DTHD1: variants seen among roughly 807,000 people sequenced by gnomAD.
The protein encoded by DTHD1 is death domain-containing protein 1.
Under a neutral mutation model 74.8 loss-of-function variants are expected in DTHD1, and 59 were observed. That is an observed-to-expected ratio of 0.79 (90% CI 0.64 to 0.98). The LOEUF is 0.98. Ranked by LOEUF, DTHD1 falls within the 50% of genes least tolerant of loss-of-function variation. The probability of loss-of-function intolerance (pLI) is 0.00; values close to 1 mark genes in which losing one functional copy is unlikely to be tolerated. For synonymous variants in DTHD1, 365 were observed against 371.1 expected (o/e 0.98, Z 0.19); for missense variants, 1,051 against 1,065.4 (o/e 0.99, Z 0.19).
chr4:36,340,281 G>T (rs11945546), intron 9 of DTHD1, among the ~76,000 whole-genome samples: 73,455 of 151,966 alleles, frequency 0.48, 18,382 homozygotes, highest in African/African-American at 0.62. Context: ...CAAGAAATTT[G>T]TCAACAGGGG....
chr4:36,314,215 T>C (rs1473960532), intron 7 of DTHD1, among the ~76,000 whole-genome samples: 2 of 152,018 alleles, frequency 1.3e-5, no homozygotes, highest in Non-Finnish European at 1.5e-5. Flanking sequence ...ACCAAAATGA[T>C]CTCAAGCAGT....
chr4:36,305,082 C>T (rs778645884), intron 5 of DTHD1, among the ~76,000 whole-genome samples: 9 of 152,104 alleles, frequency 5.9e-5, no homozygotes, highest in Non-Finnish European at 1.2e-4. Flanking sequence ...GTGGGGCAGG[C>T]TACACAAGAA....
At chr4:36,315,920 C>A (rs935265128) in intron 7 of DTHD1, 2 of 160,956 alleles carry the variant, frequency 1.2e-5, no homozygotes, top group South Asian at 3.7e-4. Context: ...AATTAAGTAA[C>A]ACAAAGTGGC....
chr4:36,323,600 A>G (rs1011765353), intron 8 of DTHD1, among the ~76,000 whole-genome samples: 6 of 116,056 alleles, frequency 5.2e-5, no homozygotes, highest in Non-Finnish European at 1.3e-4. Context: ...AGATTGAAAG[A>G]GCACATTAGA....
At chr4:36,290,293 G>C in intron 2 of DTHD1, 80 bp from the exon 3 acceptor site, 1 of 1,343,374 alleles carries the variant, frequency 7.4e-7, no homozygotes, top group African/African-American at 1.5e-5. Flanking sequence ...TGTAGATCTA[G>C]AGTCTGTGCT....
intron 9 of DTHD1, among the ~76,000 whole-genome samples, chr4:36,339,816 G>A (rs1364235016): frequency 6.6e-6 from 1 of 152,078 alleles, no homozygotes; most frequent in Non-Finnish European, 1.5e-5. Flanking sequence ...CTTACGGATT[G>A]GTACAGAAAA....
intron 9 of DTHD1, among the ~76,000 whole-genome samples, chr4:36,343,077 G>A (rs949244620): frequency 2.3e-5 from 3 of 131,380 alleles, no homozygotes; most frequent in South Asian, 2.1e-4. Context: ...GAGACAGAGC[G>A]AGACTCAACA....
intron 8 of DTHD1, among the ~76,000 whole-genome samples, chr4:36,325,981 A>G (rs945367618): frequency 2.4e-4 from 36 of 152,150 alleles, no homozygotes; most frequent in African/African-American, 8.2e-4. Context: ...TTGGATGTCT[A>G]TTGATTAAAA....
intron 8 of DTHD1, among the ~76,000 whole-genome samples, chr4:36,336,747 C>G (rs1759030658): frequency 1.3e-5 from 2 of 152,094 alleles, no homozygotes; most frequent in African/African-American, 2.4e-5. Flanking sequence ...ACAGAAGTGC[C>G]TGGTGGCAAA....
chr4:36,302,058 G>C (rs915980778), intron 5 of DTHD1, among the ~76,000 whole-genome samples: 35 of 152,284 alleles, frequency 2.3e-4, no homozygotes, highest in Admixed American at 7.8e-4. Context: ...GGCCCACTAA[G>C]GTACAGCGTC....
chr4:36,312,297 G>A (rs537463308), intron 7 of DTHD1, among the ~76,000 whole-genome samples: 2 of 151,294 alleles, frequency 1.3e-5, no homozygotes, highest in South Asian at 2.1e-4. Context: ...TTTGGCCCAG[G>A]GAAGTGATTT....
chr4:36,296,619 C>A (rs952053296), intron 5 of DTHD1, among the ~76,000 whole-genome samples: 1 of 151,836 alleles, frequency 6.6e-6, no homozygotes, highest in African/African-American at 2.4e-5. Context: ...ATATTATTGT[C>A]CATATTTCAT....
intron 8 of DTHD1, among the ~76,000 whole-genome samples, chr4:36,323,583 A>ATTTTTTTTTTTTTTTTTGAGACGG (rs1553970960): frequency 6.7e-6 from 1 of 148,678 alleles, no homozygotes; most frequent in Non-Finnish European, 1.5e-5. Flanking sequence ...TAGGTATTTT[A>ATTTTTTTTTTTTTTTTTGAGACGG]AAAAGCAGAT....
At chr4:36,298,127 A>G (rs947829321) in intron 5 of DTHD1, among the ~76,000 whole-genome samples, 3 of 152,030 alleles carry the variant, frequency 2.0e-5, no homozygotes, top group African/African-American at 7.3e-5. Flanking sequence ...TGCCCATTCT[A>G]TAAGTTCCAG....
At chr4:36,308,132 G>C in intron 6 of DTHD1, 72 bp from the exon 7 acceptor site, 1 of 1,367,878 alleles carries the variant, frequency 7.3e-7, no homozygotes. Context: ...CTTTTCTTGG[G>C]TGTTATTAGA....
At chr4:36,327,190 C>T (rs1362604210) in intron 8 of DTHD1, among the ~76,000 whole-genome samples, 2 of 152,144 alleles carry the variant, frequency 1.3e-5, no homozygotes, top group African/African-American at 2.4e-5. Context: ...TGGTCTCGAA[C>T]TCCTGACCTC....
intron 2 of DTHD1, among the ~76,000 whole-genome samples, chr4:36,287,470 A>G (rs1755777366): frequency 6.6e-6 from 1 of 152,256 alleles, no homozygotes; most frequent in African/African-American, 2.4e-5. Context: ...TCTTTTTCAC[A>G]TAATGACTTC....
intron 8 of DTHD1, chr4:36,333,612 C>A (rs1758826633): frequency 6.6e-6 from 1 of 152,418 alleles, no homozygotes; most frequent in South Asian, 2.1e-4. Flanking sequence ...TGGTGGGATC[C>A]AGCAGAGCAG....
intron 8 of DTHD1, among the ~76,000 whole-genome samples, chr4:36,329,970 C>A (rs559347809): frequency 6.6e-6 from 1 of 152,216 alleles, no homozygotes; most frequent in East Asian, 1.9e-4. Context: ...AGAAGTGTTT[C>A]TTTTAAAACG....
Sources: gnomAD v4.1 joint callset for allele counts (sites outside exome capture counted in the v4.1 genomes callset) on GRCh38, gnomAD v4.1.1 for gene constraint, MANE v1.5 for transcripts, NCBI Gene and HGNC (gene_info 2026-07-23, HGNC 2026-07-21) for gene names.